The following KIF2A variants were observed in gnomAD, a reference collection of about 807,000 sequenced individuals.
The protein encoded by KIF2A is kinesin family member 2A.
KIF2A carries 22 observed loss-of-function variants against 100.2 expected under a neutral mutation model. The observed-to-expected ratio is 0.22, with a 90% CI of 0.16 to 0.31. KIF2A has a LOEUF of 0.31. Ranked by LOEUF, KIF2A falls within the 10% of genes least tolerant of loss-of-function variation. The pLI is 1.00. For missense variants in KIF2A, 495 were observed against 898.7 expected (o/e 0.55, Z 5.74); for synonymous variants, 268 against 285.9 (o/e 0.94, Z 0.63).
chr5:62,362,709 T>C lies in KIF2A; in HGVS notation c.1119+168T>C, dbSNP rs534244370. On this transcript the variant is annotated intron_variant, in intron 12 of 20. Transcript: ENST00000407818. ...AGAACTTTTATATTAGAATTTATGTTATGAGATTTTTTTAAAAAGTCCTTT... is the reference window on the plus strand; with the variant it reads ...AGAACTTTTATATTAGAATTTATGTCATGAGATTTTTTTAAAAAGTCCTTT... Among the ~76,000 whole-genome samples, 38 of 152,346 alleles carry C rather than the reference T, an allele frequency of 2.5e-4. 1 individual carries two copies. The highest frequency in any genetic ancestry group is 7.2e-4 in the African/African-American group (30 of 41,584).
intron 16 of KIF2A, among the ~76,000 whole-genome samples, chr5:62,369,609 T>C (rs1741227353): frequency 1.3e-5 from 2 of 152,194 alleles, no homozygotes; most frequent in African/African-American, 4.8e-5. Context: ...TCCAAATCTC[T>C]AGGAATAAAG....
At chr5:62,361,145 G>A in intron 9 of KIF2A, 97 bp from the exon 10 acceptor site, 1 of 538,502 alleles carries the variant, frequency 1.9e-6, no homozygotes, top group Non-Finnish European at 3.2e-6. Context: ...TTGCTATTAA[G>A]TTTTATTTAT....
chr5:62,320,565 AT>A (rs11442569), intron 1 of KIF2A, among the ~76,000 whole-genome samples: 6,625 of 148,488 alleles, frequency 0.045, 444 homozygotes, highest in African/African-American at 0.15. Flanking sequence ...TGACTATAGC[AT>A]TTTTTTTTTT....
chr5:62,363,624 T>C, intron 13 of KIF2A, 71 bp from the exon 14 acceptor site: 1 of 1,340,074 alleles, frequency 7.5e-7, no homozygotes, highest in Non-Finnish European at 1.0e-6. Flanking sequence ...TTGTTTTTAA[T>C]GAAAATAATG....
intron 9 of KIF2A, among the ~76,000 whole-genome samples, chr5:62,359,582 ACTTTTC>A (rs1332644156): frequency 6.6e-6 from 1 of 152,050 alleles, no homozygotes; most frequent in African/African-American, 2.4e-5. Context: ...TGAAGAGTCC[ACTTTTC>A]CTTTTCATTC....
At chr5:62,367,604 A>T (rs1741139322) in intron 16 of KIF2A, among the ~76,000 whole-genome samples, 1 of 152,174 alleles carries the variant, frequency 6.6e-6, no homozygotes, top group South Asian at 2.1e-4. Context: ...TTTGTTATTC[A>T]TATTAATAGT....
chr5:62,320,476 CT>C (rs1746042280), intron 1 of KIF2A, among the ~76,000 whole-genome samples: 1 of 152,022 alleles, frequency 6.6e-6, no homozygotes, highest in African/African-American at 2.4e-5. Flanking sequence ...GCAAAAATGC[CT>C]GTTTCCTCAT....
chr5:62,310,070 C>CT (rs5868308), intron 1 of KIF2A, among the ~76,000 whole-genome samples: 7,098 of 142,640 alleles, frequency 0.05, 695 homozygotes, highest in African/African-American at 0.17. Context: ...ACTAATAATT[C>CT]TTTTTTTTTT....
intron 1 of KIF2A, among the ~76,000 whole-genome samples, chr5:62,315,908 T>C (rs1463713125): frequency 6.6e-6 from 1 of 152,168 alleles, no homozygotes; most frequent in Non-Finnish European, 1.5e-5. Context: ...GCAAGAAGAA[T>C]TGATGTTATA....
At position 62,350,100 on chromosome 5, in the gene KIF2A, C is replaced by T. The variant is rs1747775863; in HGVS notation, c.314C>T (p.Pro105Leu). The T allele has an allele frequency of 6.3e-7, 1 of 1,585,894 alleles. No homozygotes were observed. Among genetic ancestry groups the T allele is most frequent in the African/African-American group, 1.4e-5 (1 of 73,690 alleles). Reference sequence around the variant, plus strand: ...ACTGTAGCTTCTATTAAGAATGACCCTCCTTCAAGAGATAATAGAGGTAAA... The same window carrying T: ...ACTGTAGCTTCTATTAAGAATGACCTTCCTTCAAGAGATAATAGAGGTAAA... ...RRTVASIKNDPPSRDNRVVGS... is the reference protein window; with the variant it reads ...RRTVASIKNDLPSRDNRVVGS... Residue 105 changes from proline (P) to leucine (L), a missense_variant, in exon 4 of 21, where the codon CCT (proline) becomes CTT (leucine). Pro to Leu is a moderately conservative substitution (Grantham distance 98). Around this residue, in one of 10 missense-constraint regions of KIF2A, gnomAD observed 115 missense variants for 143.6 expected, o/e 0.80. Coordinates refer to ENST00000407818, the MANE Select transcript of KIF2A (RefSeq NM_001098511.3).
intron 1 of KIF2A, among the ~76,000 whole-genome samples, chr5:62,321,904 C>A (rs1746108395): frequency 6.6e-6 from 1 of 151,982 alleles, no homozygotes; most frequent in Non-Finnish European, 1.5e-5. Flanking sequence ...ATCCTTTGTT[C>A]ACTTTATAAT....
At chr5:62,351,407 A>C (rs114086690) in intron 4 of KIF2A, among the ~76,000 whole-genome samples, 1,810 of 152,256 alleles carry the variant, frequency 0.012, 33 homozygotes, top group African/African-American at 0.041. Flanking sequence ...TCACTAGCTA[A>C]AGAAGTTGAA....
intron 1 of KIF2A, among the ~76,000 whole-genome samples, chr5:62,336,650 A>G (rs1211975734): frequency 6.6e-6 from 1 of 152,250 alleles, no homozygotes; most frequent in Non-Finnish European, 1.5e-5. Context: ...AGTTCTGGGA[A>G]AGAAATGTGT....
chr5:62,334,128 C>G (rs147685755), intron 1 of KIF2A, among the ~76,000 whole-genome samples: 1 of 152,204 alleles, frequency 6.6e-6, no homozygotes, highest in East Asian at 1.9e-4. Flanking sequence ...AGGTCCCTAC[C>G]TGACCTCATC....
chr5:62,310,078 T>A (rs561440158), intron 1 of KIF2A, among the ~76,000 whole-genome samples: 1 of 151,020 alleles, frequency 6.6e-6, no homozygotes, highest in African/African-American at 2.4e-5. Context: ...TTCTTTTTTT[T>A]TTTTTTTTTG....
intron 1 of KIF2A, among the ~76,000 whole-genome samples, chr5:62,325,219 G>C (rs1031167761): frequency 6.6e-6 from 1 of 151,838 alleles, no homozygotes; most frequent in African/African-American, 2.4e-5. Context: ...CCACCTCCTG[G>C]GTCAAGTGGT....
In KIF2A at chr5:62,359,959, A is replaced by T. The variant is rs962646190; in HGVS notation, c.873-1283A>T. 3.3e-5 allele frequency among the ~76,000 whole-genome samples: 5 copies of T among 151,300 alleles called. No homozygotes were observed. The South Asian group carries it at 1.0e-3, about 32-fold the overall frequency. On this transcript the variant is annotated intron_variant, in intron 9 of 20. Coordinates refer to ENST00000407818, the MANE Select transcript of KIF2A (RefSeq NM_001098511.3). ...AAAACAAAGACAGCAGTTATATAAA[A>T]TGTTCTACTTGTAGATCTGTTTTCC...
chr5:62,355,115 C>T (rs1053503788), intron 6 of KIF2A, 44 bp from the exon 7 acceptor site: 1 of 865,308 alleles, frequency 1.2e-6, no homozygotes, highest in African/African-American at 1.7e-5. Context: ...GTAACAAATA[C>T]ATTATTATAT....
intron 1 of KIF2A, among the ~76,000 whole-genome samples, chr5:62,332,627 G>A (rs1326027795): frequency 6.6e-6 from 1 of 151,898 alleles, no homozygotes; most frequent in Non-Finnish European, 1.5e-5. Flanking sequence ...ATGTTAAGTT[G>A]GACCATATGA....
Sources: allele counts gnomAD v4.1 joint callset (sites outside exome capture counted in the v4.1 genomes callset), GRCh38; gene constraint gnomAD v4.1.1; regional missense constraint gnomAD v4.1.1; transcripts MANE v1.5; gene names NCBI Gene and HGNC (gene_info 2026-07-23, HGNC 2026-07-21).